The following PLAC8 variants were observed in gnomAD, a reference collection of about 807,000 sequenced individuals.
PLAC8 encodes placenta-specific gene 8 protein.
PLAC8 carries 6 observed loss-of-function variants against 12.6 expected under a neutral mutation model. The observed-to-expected ratio is 0.48, with a 90% CI of 0.26 to 0.94. The LOEUF (loss-of-function observed/expected upper bound fraction) is 0.94, where lower values mean the gene tolerates loss of function less well. Ranked by LOEUF, PLAC8 falls within the 40% of genes least tolerant of loss-of-function variation. The pLI is 0.14. For missense variants in PLAC8, 122 were observed against 152.7 expected (o/e 0.80, Z 1.06); for synonymous variants, 54 against 52.6 (o/e 1.03, Z -0.11).
At chr4:83,108,822 T>A (rs1022351652) in intron 1 of PLAC8, among the ~76,000 whole-genome samples, 1 of 152,238 alleles carries the variant, frequency 6.6e-6, no homozygotes, top group Non-Finnish European at 1.5e-5. Flanking sequence ...AACTTTTGTG[T>A]ATATCCCCCC....
At chr4:83,106,819 C>A (rs1342858931) in intron 2 of PLAC8, among the ~76,000 whole-genome samples, 1 of 152,176 alleles carries the variant, frequency 6.6e-6, no homozygotes, top group Non-Finnish European at 1.5e-5. Context: ...TTGCTCCTCG[C>A]TGCAACGCCC....
chr4:83,091,767 C>T (rs1325908645), intron 4 of PLAC8, among the ~76,000 whole-genome samples: 3 of 152,174 alleles, frequency 2.0e-5, no homozygotes, highest in Non-Finnish European at 2.9e-5. Context: ...TCTCTTCTCC[C>T]ATACAGAAAT....
At chr4:83,114,635 T>A (rs1732490155) in intron 1 of PLAC8, 31 bp downstream of exon 1, 1 of 152,230 alleles carries the variant, frequency 6.6e-6, no homozygotes, top group Non-Finnish European at 1.5e-5. Context: ...GCTAAGTTTT[T>A]AAAACAAGTT....
intron 3 of PLAC8, among the ~76,000 whole-genome samples, chr4:83,100,029 G>A (rs7682782): frequency 0.028 from 4,224 of 149,114 alleles, 89 homozygotes; most frequent in South Asian, 0.06. Flanking sequence ...AAAAACTGCC[G>A]GGCGCGCGAG....
intron 2 of PLAC8, among the ~76,000 whole-genome samples, chr4:83,105,442 G>A (rs1163260970): frequency 6.6e-6 from 1 of 152,256 alleles, no homozygotes; most frequent in Non-Finnish European, 1.5e-5. Context: ...CCCTGAGTAG[G>A]AAATGCTCAG....
At chr4:83,102,813 G>C (rs538393907) in intron 3 of PLAC8, among the ~76,000 whole-genome samples, 1 of 152,206 alleles carries the variant, frequency 6.6e-6, no homozygotes, top group Non-Finnish European at 1.5e-5. Context: ...TTGGCCGGGC[G>C]CGGTGGCTCA....
chr4:83,111,244 C>T (rs777523087), intron 1 of PLAC8, among the ~76,000 whole-genome samples: 2 of 152,194 alleles, frequency 1.3e-5, no homozygotes, highest in African/African-American at 2.4e-5. Flanking sequence ...ACTGGAATTA[C>T]AGGTGTAAGC....
At chr4:83,107,084 C>T (rs1332303839) in intron 2 of PLAC8, among the ~76,000 whole-genome samples, 1 of 151,998 alleles carries the variant, frequency 6.6e-6, no homozygotes, top group Non-Finnish European at 1.5e-5. Context: ...CCTGTAATCC[C>T]AGCTACTCAG....
chr4:83,097,228 GGGGTGTGTGTGTGTGT>G (rs1731959760), intron 3 of PLAC8, among the ~76,000 whole-genome samples: 1 of 151,822 alleles, frequency 6.6e-6, no homozygotes. Context: ...ATTTACATGT[GGGGTGTGTGTGTGTGT>G]GGGTGTGTAT....
At chr4:83,100,272 C>T (rs1273464825) in intron 3 of PLAC8, among the ~76,000 whole-genome samples, 2 of 134,708 alleles carry the variant, frequency 1.5e-5, no homozygotes, top group Admixed American at 7.1e-5. Flanking sequence ...CAGAGCGAGA[C>T]TCCATCTCAA....
At chr4:83,095,867 T>G (rs1303129080) in intron 3 of PLAC8, among the ~76,000 whole-genome samples, 1 of 152,186 alleles carries the variant, frequency 6.6e-6, no homozygotes, top group Non-Finnish European at 1.5e-5. Flanking sequence ...TAGAAAACAG[T>G]GGCATTTACA....
intron 1 of PLAC8, among the ~76,000 whole-genome samples, chr4:83,111,042 TGCA>T (rs1224585959): frequency 3.3e-5 from 5 of 152,278 alleles, no homozygotes; most frequent in African/African-American, 4.8e-5. Context: ...CATAATTCAC[TGCA>T]GCCTGGAACT....
chr4:83,102,487 C>T (rs58120464), intron 3 of PLAC8, among the ~76,000 whole-genome samples: 54,563 of 151,992 alleles, frequency 0.36, 11,627 homozygotes, highest in East Asian at 0.64. Flanking sequence ...TGCAGTGAGC[C>T]GAGACGGCGC....
chr4:83,095,074 T>C (rs560991286), intron 3 of PLAC8, among the ~76,000 whole-genome samples: 2 of 152,314 alleles, frequency 1.3e-5, no homozygotes, highest in South Asian at 2.1e-4. Flanking sequence ...TCAAAACTCT[T>C]TTCTCCTGGA....
At chr4:83,100,040 G>A (rs1421644675) in intron 3 of PLAC8, among the ~76,000 whole-genome samples, 1 of 149,314 alleles carries the variant, frequency 6.7e-6, no homozygotes, top group Non-Finnish European at 1.5e-5. Context: ...GGCGCGCGAG[G>A]CGGGCAGATC....
At chr4:83,104,258 C>G (rs892213699) in intron 3 of PLAC8, among the ~76,000 whole-genome samples, 5 of 152,134 alleles carry the variant, frequency 3.3e-5, no homozygotes, top group Non-Finnish European at 7.3e-5. Flanking sequence ...ATTCATGTGA[C>G]TTGCTTTATT....
At chr4:83,091,328 C>T (rs769209593) in intron 4 of PLAC8, among the ~76,000 whole-genome samples, 4 of 152,164 alleles carry the variant, frequency 2.6e-5, no homozygotes, top group Non-Finnish European at 5.9e-5. Context: ...TGTTTCTCAG[C>T]CTTTCCTTGT....
chr4:83,103,968 C>G (rs1732176049), intron 3 of PLAC8, among the ~76,000 whole-genome samples: 1 of 152,080 alleles, frequency 6.6e-6, no homozygotes. Flanking sequence ...ACGCCCAGAC[C>G]ATTGTTGCCT....
At chr4:83,111,992 T>C (rs2126144699) in intron 1 of PLAC8, among the ~76,000 whole-genome samples, 1 of 152,032 alleles carries the variant, frequency 6.6e-6, no homozygotes, top group Non-Finnish European at 1.5e-5. Context: ...CTGAACAACA[T>C]GGAGAAACCC....
Sources: allele counts gnomAD v4.1 joint callset (sites outside exome capture counted in the v4.1 genomes callset), GRCh38; gene constraint gnomAD v4.1.1; transcripts MANE v1.5; gene names NCBI Gene and HGNC (gene_info 2026-07-23, HGNC 2026-07-21).